AP3D1: variants seen among roughly 807,000 people sequenced by gnomAD.
AP3D1 encodes the protein AP-3 complex subunit delta-1.
AP3D1 carries 51 observed loss-of-function variants against 147.6 expected under a neutral mutation model. The observed-to-expected ratio is 0.35, with a 90% CI of 0.28 to 0.44. The LOEUF is 0.44. Among genes scored for constraint, AP3D1 ranks in the 20% least tolerant of loss-of-function variants. The pLI, the probability that AP3D1 is intolerant of heterozygous loss-of-function variation, is 1.00. For missense variants in AP3D1, 1,421 were observed against 1,624.2 expected, an observed-to-expected ratio of 0.87 and a Z score of 2.15; for synonymous variants, 760 against 663.0, an observed-to-expected ratio of 1.15 and a Z score of -2.25.
At chr19:2,141,797 T>C (rs1004080507) in intron 1 of AP3D1, among the ~76,000 whole-genome samples, 2 of 151,616 alleles carry the variant, frequency 1.3e-5, no homozygotes, top group African/African-American at 4.8e-5. Context: ...TAAAGTGCAG[T>C]GGCCTAACCA....
At chr19:2,111,978 C>G in intron 24 of AP3D1, 150 bp from the exon 25 acceptor site, 7 of 1,297,500 alleles carry the variant, frequency 5.4e-6, no homozygotes, top group Middle Eastern at 2.7e-4. Flanking sequence ...TCAGGCCTAC[C>G]GGGACAAGCT....
At chr19:2,116,986 T>G in intron 16 of AP3D1, 5 of 792,770 alleles carry the variant, frequency 6.3e-6, no homozygotes, top group Non-Finnish European at 9.5e-6. Context: ...CCTCAGAGCT[T>G]TATGGCAAGG....
chr19:2,117,284 G>C lies in AP3D1; in HGVS notation c.1797C>G (p.Leu599=). 1 of 1,612,906 alleles carries C rather than the reference G, an allele frequency of 6.2e-7. No homozygotes were observed. Among genetic ancestry groups the C allele is most frequent in the South Asian group, 1.1e-5 (1 of 91,018 alleles). The change falls in exon 16 of 32, where the codon CTC becomes CTG. Residue 599 remains leucine, a synonymous_variant. Coordinates refer to ENST00000643116, the MANE Select transcript of AP3D1 (RefSeq NM_001261826.3). The part of the protein sequence containing the change: ...DVPVAEEVSA[L]FAGELNPVAP... ...CCACTGGGTTCAGCTCCCCAGCAAA[G>C]AGAGCGCTGACCTCCTCTGCCACAG...
intron 1 of AP3D1, among the ~76,000 whole-genome samples, chr19:2,146,192 C>G (rs1209907502): frequency 6.6e-6 from 1 of 152,232 alleles, no homozygotes; most frequent in Non-Finnish European, 1.5e-5. Context: ...ATGACGGCTG[C>G]AAAGCACACA....
At chr19:2,133,442 T>A (rs2018999988) in intron 4 of AP3D1, 1 of 152,146 alleles carries the variant, frequency 6.6e-6, no homozygotes, top group African/African-American at 2.4e-5. Flanking sequence ...CGAGACTTCA[T>A]CTATATATGC....
intron 1 of AP3D1, among the ~76,000 whole-genome samples, chr19:2,149,886 G>T (rs2019459580): frequency 6.6e-6 from 1 of 152,222 alleles, no homozygotes. Flanking sequence ...GTAAAAACCA[G>T]GCCCATCAGC....
At position 2,123,895 on chromosome 19, in the gene AP3D1, TGGTCAGCACCAC is replaced by T. The variant is rs755930644; in HGVS notation, c.857-28_857-17del. The T allele has an allele frequency of 7.5e-5, 118 of 1,568,800 alleles. 1 individual carries two copies. Among genetic ancestry groups the T allele is most frequent in the African/African-American group, 1.2e-4 (9 of 73,706 alleles). On this transcript the variant is annotated splice_polypyrimidine_tract_variant and intron_variant, in intron 9 of 31. Coordinates refer to ENST00000643116, the MANE Select transcript of AP3D1 (RefSeq NM_001261826.3). ...GAGATGAGCACTGCAACAGACAGCT[TGGTCAGCACCAC>T]GGTCAGCACCATGGCCAGCGCCGAC... is the stretch of plus-strand genomic sequence containing the variant.
chr19:2,113,287 G>A (rs957713099), intron 23 of AP3D1, 49 bp downstream of exon 23: 8 of 900,688 alleles, frequency 8.9e-6, no homozygotes, highest in Admixed American at 8.2e-5. Flanking sequence ...TGCCAGGTAT[G>A]ACCTCTGCAG....
chr19:2,107,616 T>C (rs2018148090), intron 31 of AP3D1, among the ~76,000 whole-genome samples: 1 of 151,708 alleles, frequency 6.6e-6, no homozygotes, highest in East Asian at 1.9e-4. Flanking sequence ...GGCAGGTGCT[T>C]GTAGTCCCAG....
chr19:2,111,045 C>T, intron 26 of AP3D1, 149 bp from the exon 27 acceptor site: 6 of 967,722 alleles, frequency 6.2e-6, no homozygotes, highest in Non-Finnish European at 7.6e-6. Flanking sequence ...GCAGGCCAAG[C>T]GCCTCCTATG....
At chr19:2,105,831 C>T (rs977834782) in intron 31 of AP3D1, among the ~76,000 whole-genome samples, 2 of 152,276 alleles carry the variant, frequency 1.3e-5, no homozygotes, top group Admixed American at 6.5e-5. Context: ...CGCGGGGGCT[C>T]GTGCTTCTAA....
chr19:2,159,219 CTCTT>C (rs1568315893), intron 1 of AP3D1, among the ~76,000 whole-genome samples: 2 of 147,954 alleles, frequency 1.4e-5, no homozygotes, highest in Non-Finnish European at 3.0e-5. Context: ...CCATCTCTCT[CTCTT>C]TTTTTTTTTT....
chr19:2,110,929 C>A (rs565822197), intron 26 of AP3D1, 33 bp from the exon 27 acceptor site: 1 of 1,589,168 alleles, frequency 6.3e-7, no homozygotes, highest in East Asian at 2.3e-5. Flanking sequence ...GCAGGGCAGG[C>A]GGGCCCGCCA....
At chr19:2,150,185 G>C (rs1242401470) in intron 1 of AP3D1, among the ~76,000 whole-genome samples, 3 of 152,176 alleles carry the variant, frequency 2.0e-5, no homozygotes, top group Non-Finnish European at 4.4e-5. Flanking sequence ...CTGCCCTCCT[G>C]GGCACCTCGT....
intron 1 of AP3D1, among the ~76,000 whole-genome samples, chr19:2,143,071 CT>C (rs942092954): frequency 6.6e-6 from 1 of 151,056 alleles, no homozygotes; most frequent in Non-Finnish European, 1.5e-5. Flanking sequence ...GCCTCTTTTT[CT>C]TTTTTTTCTG....
chr19:2,117,988 C>T (rs2018506217), intron 15 of AP3D1, among the ~76,000 whole-genome samples: 1 of 152,130 alleles, frequency 6.6e-6, no homozygotes, highest in African/African-American at 2.4e-5. Flanking sequence ...GGTGAAACTC[C>T]GTCTTTACTA....
At chr19:2,151,764 AT>A (rs2019526666), upstream of AP3D1, among the ~76,000 whole-genome samples, 1 of 152,144 alleles carries the variant, frequency 6.6e-6, no homozygotes, top group African/African-American at 2.4e-5. Context: ...TTGCGCTCTC[AT>A]TGGTCAGTGG....
At chr19:2,153,386 G>GT (rs1555711131), upstream of AP3D1, among the ~76,000 whole-genome samples, 2 of 147,724 alleles carry the variant, frequency 1.4e-5, no homozygotes, top group Non-Finnish European at 3.0e-5. Context: ...AAAAGAAGTG[G>GT]GGGGGGGGAC....
chr19:2,107,569 T>G (rs1185852609), intron 31 of AP3D1, among the ~76,000 whole-genome samples: 1 of 151,624 alleles, frequency 6.6e-6, no homozygotes, highest in Admixed American at 6.6e-5. Flanking sequence ...TGAAACCCTG[T>G]CTCTACTAAA....
Sources: allele counts gnomAD v4.1 joint callset (sites outside exome capture counted in the v4.1 genomes callset), GRCh38; gene constraint gnomAD v4.1.1; transcripts MANE v1.5; gene names NCBI Gene and HGNC (gene_info 2026-07-23, HGNC 2026-07-21).